RNF212B: variants seen among roughly 807,000 people sequenced by gnomAD.
The protein encoded by RNF212B is ring finger protein 212B.
In RNF212B, 52 loss-of-function variants were observed where a neutral mutation model predicts 55.5. The ratio of observed to expected loss-of-function variants is 0.94; its 90% confidence interval spans 0.75 to 1.18. The LOEUF (loss-of-function observed/expected upper bound fraction) is 1.18. RNF212B is among the 50% of genes most tolerant of loss of function. The pLI is 0.00. For synonymous variants in RNF212B, 99 were observed against 121.4 expected (o/e 0.82, Z 1.21); for missense variants, 289 against 350.4 (o/e 0.82, Z 1.40).
intron 4 of RNF212B, among the ~76,000 whole-genome samples, chr14:23,250,971 A>G (rs933414330): frequency 1.3e-5 from 2 of 152,184 alleles, no homozygotes; most frequent in Non-Finnish European, 1.5e-5. Flanking sequence ...GTGACTTTGA[A>G]TAGAATGAAA....
chr14:23,264,572 C>A, intron 10 of RNF212B, 51 bp from the exon 11 acceptor site: 2 of 1,202,764 alleles, frequency 1.7e-6, no homozygotes, highest in Non-Finnish European at 2.2e-6. Context: ...AATAGGGAAG[C>A]CAGATAACTG....
chr14:23,263,592 AC>A lies in RNF212B; in HGVS notation c.525-580del, dbSNP rs1885462629. Among the ~76,000 whole-genome samples, 6 of 152,212 alleles carry A rather than the reference AC, an allele frequency of 3.9e-5. 1 individual carries two copies. The South Asian group carries it at 1.0e-3, about 26-fold the overall frequency. ...CATAAAAACGAATTTGTTTTTTCAT[AC>A]CACAAGGCTTTTGTGCCAAGGTGGC... On this transcript the variant is annotated intron_variant, in intron 9 of 14. Transcript: ENST00000430154.
At chr14:23,269,708 T>C (rs1482762013) in intron 12 of RNF212B, among the ~76,000 whole-genome samples, 155 bp from the exon 13 acceptor site, 2 of 147,120 alleles carry the variant, frequency 1.4e-5, no homozygotes, top group Non-Finnish European at 3.0e-5. Flanking sequence ...TGAGACCCTG[T>C]CTCAAAAAAA....
intron 2 of RNF212B, among the ~76,000 whole-genome samples, chr14:23,212,245 A>G (rs910562762): frequency 6.6e-6 from 1 of 152,176 alleles, no homozygotes. Context: ...TGCCTTCACC[A>G]CTTCTCTTCA....
Position 23,208,494 on chromosome 14 carries a change from T to TA in RNF212B, c.-2+15101dup, listed in dbSNP as rs1331098172. Among the ~76,000 whole-genome samples the TA allele has an allele frequency of 3.3e-5, 5 of 151,712 alleles. No homozygotes were observed. The South Asian group carries it at 6.3e-4, about 19-fold the overall frequency. On this transcript the variant is annotated intron_variant, in intron 2 of 15. Coordinates refer to the RNF212B transcript ENST00000399910. ...GGGTGACAGAGTGAGATCCTATCTC[T>TA]AAAAAAAATGACATAGGAGTCAATC...
chr14:23,263,447 T>A (rs1022077559), intron 9 of RNF212B, among the ~76,000 whole-genome samples: 1 of 152,198 alleles, frequency 6.6e-6, no homozygotes, highest in Admixed American at 6.5e-5. Flanking sequence ...CTCAGTGGCA[T>A]CACTGGAAAG....
intron 4 of RNF212B, among the ~76,000 whole-genome samples, chr14:23,252,038 T>C (rs1884449846): frequency 6.6e-6 from 1 of 151,558 alleles, no homozygotes; most frequent in African/African-American, 2.4e-5. Flanking sequence ...GAATTTGTCA[T>C]TGGCGATTGA....
At chr14:23,228,320 G>A (rs1882221965) in intron 2 of RNF212B, among the ~76,000 whole-genome samples, 2 of 151,400 alleles carry the variant, frequency 1.3e-5, no homozygotes, top group Non-Finnish European at 2.9e-5. Flanking sequence ...AATGGTCAAA[G>A]CAACTCTGCA....
intron 2 of RNF212B, among the ~76,000 whole-genome samples, chr14:23,225,873 G>A (rs747806739): frequency 7.2e-5 from 11 of 152,038 alleles, no homozygotes; most frequent in African/African-American, 2.2e-4. Context: ...ATAAAAGCAC[G>A]AGGGGATCGA....
At chr14:23,249,752 C>T (rs1044718982) in intron 4 of RNF212B, among the ~76,000 whole-genome samples, 1 of 152,174 alleles carries the variant, frequency 6.6e-6, no homozygotes, top group Non-Finnish European at 1.5e-5. Context: ...TAACCCTCTG[C>T]CTGGTGGGCT....
At chr14:23,270,104 C>A in intron 13 of RNF212B, 144 bp downstream of exon 13, 1 of 617,194 alleles carries the variant, frequency 1.6e-6, no homozygotes, top group Non-Finnish European at 2.9e-6. Flanking sequence ...TCTTTAAGAG[C>A]CATCCCATTT....
intron 2 of RNF212B, among the ~76,000 whole-genome samples, chr14:23,219,783 T>C (rs895499893): frequency 1.3e-5 from 2 of 152,158 alleles, no homozygotes; most frequent in Admixed American, 6.6e-5. Flanking sequence ...TTATTAGTTT[T>C]CTTTTAGTGT....
intron 1 of RNF212B, among the ~76,000 whole-genome samples, chr14:23,186,347 T>C (rs551815397): frequency 1.4e-4 from 1 of 7,126 alleles, no homozygotes; most frequent in African/African-American, 1.4e-4. Flanking sequence ...ATTTTGAGCA[T>C]TTTTTTTTTT....
intron 2 of RNF212B, among the ~76,000 whole-genome samples, chr14:23,209,347 C>T (rs1230933891): frequency 6.6e-6 from 1 of 152,140 alleles, no homozygotes; most frequent in African/African-American, 2.4e-5. Flanking sequence ...ACTTAGAATG[C>T]CTTAACCATC....
At chr14:23,215,535 C>G (rs941277588) in intron 2 of RNF212B, among the ~76,000 whole-genome samples, 8 of 151,906 alleles carry the variant, frequency 5.3e-5, no homozygotes, top group African/African-American at 1.9e-4. Context: ...CACACACAAA[C>G]AAACAGAAAT....
intron 2 of RNF212B, among the ~76,000 whole-genome samples, chr14:23,229,259 T>TATATATATAC (rs1434448490): frequency 1.1e-4 from 13 of 122,486 alleles, no homozygotes; most frequent in African/African-American, 4.1e-4. Flanking sequence ...TATATATATA[T>TATATATATAC]ATACCACATT....
intron 4 of RNF212B, among the ~76,000 whole-genome samples, chr14:23,258,047 T>C (rs538592920): frequency 3.9e-5 from 6 of 152,248 alleles, no homozygotes; most frequent in East Asian, 1.9e-4. Flanking sequence ...CTCATTAAGA[T>C]AGTAAAAGGG....
chr14:23,207,809 C>A (rs956838885), intron 2 of RNF212B, among the ~76,000 whole-genome samples: 3 of 152,168 alleles, frequency 2.0e-5, no homozygotes, highest in African/African-American at 7.2e-5. Context: ...GGTCGGGGTA[C>A]AGCTTAGTTT....
intron 2 of RNF212B, among the ~76,000 whole-genome samples, chr14:23,213,682 G>A (rs1278930154): frequency 7.0e-6 from 1 of 143,406 alleles, no homozygotes; most frequent in African/African-American, 2.9e-5. Flanking sequence ...TTTAGGAACT[G>A]TGTGCTCTAC....
Sources: gnomAD v4.1 joint callset for allele counts (sites outside exome capture counted in the v4.1 genomes callset) on GRCh38, gnomAD v4.1.1 for gene constraint, MANE v1.5 for transcripts, NCBI Gene and HGNC (gene_info 2026-07-23, HGNC 2026-07-21) for gene names.